The following ATP2B1 variants were observed in gnomAD, a reference collection of about 807,000 sequenced individuals.
ATP2B1 encodes the protein ATPase plasma membrane Ca2+ transporting 1.
ATP2B1 carries 14 observed loss-of-function variants against 124.2 expected under a neutral mutation model. The observed-to-expected ratio is 0.11, with a 90% CI of 0.07 to 0.18. The LOEUF (loss-of-function observed/expected upper bound fraction) is 0.18, where lower values mean the gene tolerates loss of function less well. ATP2B1 is among the 10% of genes least tolerant of loss of function. The pLI is 1.00. For synonymous variants in ATP2B1, 449 were observed against 492.4 expected, an observed-to-expected ratio of 0.91 and a Z score of 1.17; for missense variants, 763 against 1,466.1, an observed-to-expected ratio of 0.52 and a Z score of 7.83.
intron 1 of ATP2B1, among the ~76,000 whole-genome samples, chr12:89,699,061 C>T (rs903074976): frequency 3.9e-5 from 6 of 152,132 alleles, no homozygotes; most frequent in African/African-American, 1.4e-4. Context: ...ACCAGTTCTC[C>T]CGTTTTGCCC....
At chr12:89,632,953 A>G (rs1321694222) in intron 5 of ATP2B1, among the ~76,000 whole-genome samples, 1 of 152,194 alleles carries the variant, frequency 6.6e-6, no homozygotes, top group East Asian at 1.9e-4. Context: ...CAACCTGAAG[A>G]GCTAAGCACT....
intron 1 of ATP2B1, among the ~76,000 whole-genome samples, chr12:89,695,548 C>T (rs1254116510): frequency 3.3e-5 from 5 of 152,042 alleles, no homozygotes; most frequent in East Asian, 1.9e-4. Flanking sequence ...AGTTTTACCT[C>T]GTTTACAATA....
rs377023602 is a variant in ATP2B1, at chr12:89,654,327, C to T, written c.208+1352G>A. 2.1e-4 allele frequency among the ~76,000 whole-genome samples: 32 copies of T among 152,278 alleles called. 1 individual carries two copies. In the South Asian group the frequency reaches 6.6e-3, roughly 32 times the overall value. ...TTAGTTATACCTTAGATATGCAATACCATTTTAATGTATTAATAGTTGGGA... is the reference window on the plus strand; with the variant it reads ...TTAGTTATACCTTAGATATGCAATATCATTTTAATGTATTAATAGTTGGGA... On this transcript the variant is annotated intron_variant, in intron 2 of 20. Transcript: ENST00000428670.
intron 7 of ATP2B1, 140 bp from the exon 8 acceptor site, chr12:89,626,755 G>T: frequency 1.1e-6 from 1 of 879,902 alleles, no homozygotes; most frequent in Non-Finnish European, 1.6e-6. Flanking sequence ...GTGTGTGTGT[G>T]TCTACACAGA....
intron 1 of ATP2B1, among the ~76,000 whole-genome samples, chr12:89,657,605 G>T (rs1399347081): frequency 1.3e-5 from 2 of 152,164 alleles, no homozygotes; most frequent in African/African-American, 4.8e-5. Context: ...GTACATCATG[G>T]TGTATGGTCC....
intron 10 of ATP2B1, 97 bp from the exon 11 acceptor site, chr12:89,620,337 C>T: frequency 7.2e-7 from 1 of 1,396,164 alleles, no homozygotes; most frequent in Non-Finnish European, 9.7e-7. Context: ...AATAAAATTA[C>T]AAAGCAATTG....
chr12:89,619,561 A>G (rs1879599771), intron 11 of ATP2B1, among the ~76,000 whole-genome samples: 1 of 150,912 alleles, frequency 6.6e-6, no homozygotes, highest in Non-Finnish European at 1.5e-5. Context: ...AAGTGAGCTG[A>G]GATCGCGCCA....
At chr12:89,661,696 G>C (rs866430999) in intron 1 of ATP2B1, among the ~76,000 whole-genome samples, 1 of 151,958 alleles carries the variant, frequency 6.6e-6, no homozygotes, top group Non-Finnish European at 1.5e-5. Flanking sequence ...TTTTGACTAC[G>C]GGCTTTCAAA....
Position 89,604,209 on chromosome 12 carries a change from A to T in ATP2B1, c.2580T>A (p.Leu860=), listed in dbSNP as rs761818723. The T allele has an allele frequency of 6.2e-7, 1 of 1,614,106 alleles. No individual in the cohort carries two copies. ...CAATCACTGCTACTACATTAACAGT[A>T]AGTTGGAACTGAAGGAATTTTGAGA... ...DSISKFLQFQ[L]TVNVVAVIVA... The change falls in exon 16 of 21, where the codon CTT becomes CTA. Residue 860 remains leucine, a synonymous_variant. Coordinates refer to ENST00000428670, the MANE Select transcript of ATP2B1 (RefSeq NM_001366521.1).
At chr12:89,667,987 G>A (rs1444852365) in intron 1 of ATP2B1, among the ~76,000 whole-genome samples, 2 of 152,154 alleles carry the variant, frequency 1.3e-5, no homozygotes, top group Non-Finnish European at 1.5e-5. Context: ...TGAACACAAA[G>A]TGTTAGCCAG....
At chr12:89,609,075 A>G (rs1169419736) in intron 15 of ATP2B1, among the ~76,000 whole-genome samples, 2 of 152,210 alleles carry the variant, frequency 1.3e-5, no homozygotes, top group African/African-American at 4.8e-5. Context: ...AGGGGGACAA[A>G]TTATGCAAAT....
chr12:89,595,220 T>G (rs1315192674), intron 20 of ATP2B1, among the ~76,000 whole-genome samples: 3 of 152,044 alleles, frequency 2.0e-5, no homozygotes, highest in Admixed American at 2.0e-4. Context: ...CAACGCTGCA[T>G]TCCAGTAACA....
At chr12:89,678,616 C>A (rs904422733) in intron 1 of ATP2B1, among the ~76,000 whole-genome samples, 3 of 152,168 alleles carry the variant, frequency 2.0e-5, no homozygotes, top group Admixed American at 6.5e-5. Flanking sequence ...AGGATATGCC[C>A]TCTGGCCATG....
At chr12:89,644,891 G>C (rs1855956274) in intron 2 of ATP2B1, among the ~76,000 whole-genome samples, 1 of 151,792 alleles carries the variant, frequency 6.6e-6, no homozygotes, top group African/African-American at 2.4e-5. Context: ...GAAAAGAACA[G>C]CCACAGAGCT....
chr12:89,636,208 G>C (rs1882679052), intron 3 of ATP2B1, among the ~76,000 whole-genome samples: 1 of 151,974 alleles, frequency 6.6e-6, no homozygotes, highest in South Asian at 2.1e-4. Flanking sequence ...GATCAGAAAA[G>C]GATGTGGGGT....
chr12:89,699,485 T>C (rs1891560555), intron 1 of ATP2B1, among the ~76,000 whole-genome samples: 1 of 152,152 alleles, frequency 6.6e-6, no homozygotes, highest in South Asian at 2.1e-4. Context: ...AAGAAATAAA[T>C]GGTTGAAAGT....
intron 1 of ATP2B1, among the ~76,000 whole-genome samples, chr12:89,700,033 T>A (rs1485256387): frequency 6.7e-6 from 1 of 150,150 alleles, no homozygotes; most frequent in African/African-American, 2.4e-5. Context: ...TTTTTTTTTT[T>A]AGTAGAGATG....
intron 1 of ATP2B1, among the ~76,000 whole-genome samples, chr12:89,706,317 A>T (rs1716518049): frequency 6.6e-6 from 1 of 152,138 alleles, no homozygotes; most frequent in African/African-American, 2.4e-5. Context: ...AAGACAACAA[A>T]AAAGAATTAC....
At chr12:89,647,676 A>G (rs1168752880) in intron 2 of ATP2B1, among the ~76,000 whole-genome samples, 3 of 152,182 alleles carry the variant, frequency 2.0e-5, no homozygotes, top group African/African-American at 7.2e-5. Flanking sequence ...TTACATGTAC[A>G]TGTATGTATG....
Sources: gnomAD v4.1 joint callset for allele counts (sites outside exome capture counted in the v4.1 genomes callset) on GRCh38, gnomAD v4.1.1 for gene constraint, MANE v1.5 for transcripts, NCBI Gene and HGNC (gene_info 2026-07-23, HGNC 2026-07-21) for gene names.